The following TRIO variants were observed in gnomAD, a reference collection of about 807,000 sequenced individuals.
TRIO encodes trio Rho guanine nucleotide exchange factor.
TRIO carries 58 observed loss-of-function variants against 351.9 expected under a neutral mutation model. The observed-to-expected ratio is 0.16, with a 90% CI of 0.13 to 0.21. TRIO has a LOEUF of 0.21. TRIO is among the 10% of genes least tolerant of loss of function. TRIO has a pLI of 1.00. For missense variants in TRIO, 3,201 were observed against 4,027.8 expected (o/e 0.79, Z 5.56); for synonymous variants, 1,758 against 1,595.7 (o/e 1.10, Z -2.42).
At position 14,370,123 on chromosome 5, in the gene TRIO, C is replaced by CT. The variant is rs56791314; in HGVS notation, c.3216+613dup. On this transcript the variant is annotated intron_variant, in intron 18 of 56. Transcript: ENST00000344204. ...TTTTCTTTTCTTTCTTTCTTTCTTTCTTTTTTTTTTTTTAATTCAGCGAAG... is the reference window on the plus strand; with the variant it reads ...TTTTCTTTTCTTTCTTTCTTTCTTTCTTTTTTTTTTTTTTAATTCAGCGAAG... 1.5e-3 allele frequency among the ~76,000 whole-genome samples: 222 copies of CT among 144,450 alleles called. 2 individuals carry two copies. The highest frequency in any genetic ancestry group is 6.6e-3 in the East Asian group (33 of 4,992). 94.8% of individuals were successfully genotyped at this position (144,450 alleles called of 152,430 possible).
At chr5:14,441,643 C>T (rs1752058110) in intron 34 of TRIO, among the ~76,000 whole-genome samples, 2 of 152,228 alleles carry the variant, frequency 1.3e-5, no homozygotes, top group East Asian at 3.9e-4. Context: ...TTTATTATCC[C>T]TTTTTCTTAT....
chr5:14,498,731 A>C (rs746642360), intron 53 of TRIO, 91 bp downstream of exon 53: 2 of 1,553,864 alleles, frequency 1.3e-6, no homozygotes, highest in Non-Finnish European at 1.8e-6. Flanking sequence ...TTACACTCCA[A>C]GTGGCCTGAA....
At position 14,310,973 on chromosome 5, in the gene TRIO, A is replaced by G. The variant is rs183670086; in HGVS notation, c.1501-5540A>G. 7.1e-3 allele frequency among the ~76,000 whole-genome samples: 1,081 copies of G among 152,362 alleles called. 16 individuals are homozygous for G. The highest frequency in any genetic ancestry group is 0.025 in the African/African-American group (1,042 of 41,590). ...AGTGCTGAGATTACAGGCGTGAGCCACCACGCCCAGCTGTCACTTCCATCA... is the reference window on the plus strand; with the variant it reads ...AGTGCTGAGATTACAGGCGTGAGCCGCCACGCCCAGCTGTCACTTCCATCA... On this transcript the variant is annotated intron_variant, in intron 8 of 56. Transcript: ENST00000344204.
chr5:14,487,958 C>G lies in TRIO; in HGVS notation c.7330C>G (p.Leu2444Val), dbSNP rs774513044. 2.6e-6 allele frequency: 4 copies of G among 1,550,418 alleles called. No individual in the cohort carries two copies. Among genetic ancestry groups the G allele is most frequent in the African/African-American group, 1.4e-5 (1 of 73,186 alleles). Residue 2444 changes from leucine (L) to valine (V), a missense_variant, in exon 48 of 57, where the codon CTG (leucine) becomes GTG (valine). Leu to Val is a conservative substitution (Grantham distance 32). This residue lies in a region of TRIO where 1,089 missense variants were observed against 954.9 expected (regional missense o/e 1.14). Transcript: ENST00000344204. ...GGACGCGCGCGCTAGCCTGGGCACC[C>G]TGCCGCTTGGGAAGCCCCGGGCCGG... ...AKDARASLGT[L>V]PLGKPRAGAA... is the part of the protein sequence containing the mutation.
intron 1 of TRIO, among the ~76,000 whole-genome samples, chr5:14,261,820 T>A (rs1413137249): frequency 1.3e-5 from 2 of 152,228 alleles, no homozygotes; most frequent in African/African-American, 4.8e-5. Flanking sequence ...TAAATTACGT[T>A]GTAAAAACTT....
chr5:14,245,863 T>C (rs1794408984), intron 1 of TRIO, among the ~76,000 whole-genome samples: 1 of 152,248 alleles, frequency 6.6e-6, no homozygotes, highest in Non-Finnish European at 1.5e-5. Flanking sequence ...TGCCAGGTGA[T>C]GTCCGTTCCA....
intron 34 of TRIO, among the ~76,000 whole-genome samples, chr5:14,459,512 G>A (rs907836779): frequency 1.3e-5 from 2 of 152,208 alleles, no homozygotes; most frequent in Admixed American, 1.3e-4. Context: ...TGTGCGAGTT[G>A]TACAGTAGAC....
chr5:14,179,591 G>T (rs1789625196), intron 1 of TRIO, among the ~76,000 whole-genome samples: 1 of 150,950 alleles, frequency 6.6e-6, no homozygotes, highest in Non-Finnish European at 1.5e-5. Context: ...CATGCATCAC[G>T]AAGCCCAGCT....
chr5:14,361,363 G>A (rs1266786313), intron 13 of TRIO, among the ~76,000 whole-genome samples: 3 of 152,164 alleles, frequency 2.0e-5, no homozygotes, highest in African/African-American at 7.2e-5. Context: ...TAGAGCCAGT[G>A]TGCCACAGCC....
rs779402625 is a variant in TRIO at position 14,388,684 on chromosome 5, G to A, written c.3948+5G>A. The A allele has an allele frequency of 1.5e-6, 2 of 1,335,894 alleles. No individual in the cohort carries two copies. Among genetic ancestry groups the A allele is most frequent in the South Asian group, 1.2e-5 (1 of 81,564 alleles). The allele number at this position is 1,335,894 out of a possible 1,614,324, so 82.8% of individuals were successfully genotyped here. On this transcript the variant is annotated splice_donor_5th_base_variant and intron_variant, in intron 24 of 56. Coordinates refer to ENST00000344204, the MANE Select transcript of TRIO (RefSeq NM_007118.4). ...GACCTCCGGGAATGTATGGATGTAA[G>A]TAAGTTTTTTTTTTTTTTTTTTGCT...
chr5:14,368,360 A>C (rs970399109), intron 16 of TRIO, among the ~76,000 whole-genome samples: 48 of 152,168 alleles, frequency 3.2e-4, no homozygotes, highest in African/African-American at 1.1e-3. Flanking sequence ...CTATTATGAG[A>C]AGGATCAACA....
At position 14,310,357 on chromosome 5, in the gene TRIO, A is replaced by T. The variant is rs115695999; in HGVS notation, c.1500+5765A>T. Among the ~76,000 whole-genome samples, 1,081 of 152,374 alleles carry T rather than the reference A, an allele frequency of 7.1e-3. 17 individuals are homozygous for T. Among genetic ancestry groups the T allele is most frequent in the African/African-American group, 0.025 (1,042 of 41,592 alleles). On this transcript the variant is annotated intron_variant, in intron 8 of 56. Coordinates refer to ENST00000344204, the MANE Select transcript of TRIO (RefSeq NM_007118.4). ...CAAAGGGCCACTGCTGCAGCCACGGAGCACAAGCAAGGCGAAGTGCCATGG... is the reference window on the plus strand; with the variant it reads ...CAAAGGGCCACTGCTGCAGCCACGGTGCACAAGCAAGGCGAAGTGCCATGG...
intron 1 of TRIO, among the ~76,000 whole-genome samples, chr5:14,190,859 T>C (rs1396670740): frequency 6.6e-6 from 1 of 152,222 alleles, no homozygotes; most frequent in East Asian, 1.9e-4. Flanking sequence ...ATCTGACACC[T>C]GTGGCTTTTA....
intron 29 of TRIO, among the ~76,000 whole-genome samples, chr5:14,398,675 A>G (rs767563084): frequency 8.5e-5 from 13 of 152,188 alleles, no homozygotes; most frequent in Non-Finnish European, 1.6e-4. Flanking sequence ...TGAACAAAGG[A>G]AAATATATGT....
intron 11 of TRIO, among the ~76,000 whole-genome samples, chr5:14,352,815 C>A (rs1020167460): frequency 6.6e-6 from 1 of 152,076 alleles, no homozygotes; most frequent in Non-Finnish European, 1.5e-5. Flanking sequence ...GTTTCACCAG[C>A]CAGCGGGAGG....
chr5:14,262,470 G>A (rs545700110), intron 1 of TRIO, among the ~76,000 whole-genome samples: 1 of 152,226 alleles, frequency 6.6e-6, no homozygotes, highest in Admixed American at 6.5e-5. Flanking sequence ...AGATCATGAG[G>A]GACTGTAGTT....
chr5:14,179,907 C>T lies in TRIO; in HGVS notation c.157+36025C>T, dbSNP rs1042540584. 3.3e-5 allele frequency among the ~76,000 whole-genome samples: 5 copies of T among 151,838 alleles called. 1 individual carries two copies. The highest frequency in any genetic ancestry group is 3.3e-4 in the Admixed American group (5 of 15,250). On this transcript the variant is annotated intron_variant, in intron 1 of 56. Transcript: ENST00000344204. ...GGGAGTTTGAGACCAGCCTGGCCAA[C>T]ATGACCAGTAGAAACCTCGTCTCTA...
chr5:14,425,120 A>G (rs1750532288), intron 34 of TRIO, among the ~76,000 whole-genome samples: 1 of 152,230 alleles, frequency 6.6e-6, no homozygotes, highest in African/African-American at 2.4e-5. Context: ...GATCAGTGGC[A>G]TTAAGTACCT....
At chr5:14,207,324 A>T (rs1174979383) in intron 1 of TRIO, among the ~76,000 whole-genome samples, 238 of 14,126 alleles carry the variant, frequency 0.017, 47 homozygotes, top group African/African-American at 0.037. Context: ...TCTCTCACAC[A>T]CACACACACA....
Sources: gnomAD v4.1 joint callset for allele counts (sites outside exome capture counted in the v4.1 genomes callset) on GRCh38, gnomAD v4.1.1 for gene constraint, gnomAD v4.1.1 regional missense constraint, MANE v1.5 for transcripts, NCBI Gene and HGNC (gene_info 2026-07-23, HGNC 2026-07-21) for gene names.